The following RBPJ variants were observed in gnomAD, a reference collection of about 807,000 sequenced individuals.
RBPJ encodes the protein recombining binding protein suppressor of hairless.
A neutral mutation model predicts 67.8 loss-of-function variants in RBPJ; 9 were observed. That is an observed-to-expected ratio of 0.13 (90% CI 0.08 to 0.23). The LOEUF (loss-of-function observed/expected upper bound fraction) is 0.23, where lower values mean the gene tolerates loss of function less well. RBPJ is among the 10% of genes least tolerant of loss of function. The pLI is 1.00. For synonymous variants in RBPJ, 198 were observed against 203.3 expected, an observed-to-expected ratio of 0.97 and a Z score of 0.22; for missense variants, 305 against 595.6, an observed-to-expected ratio of 0.51 and a Z score of 5.08.
intron 1 of RBPJ, among the ~76,000 whole-genome samples, chr4:26,288,902 A>T (rs1361931206): frequency 7.3e-6 from 1 of 137,850 alleles, no homozygotes; most frequent in African/African-American, 2.7e-5. Flanking sequence ...TAAGCCCAGC[A>T]CAAAGCATAA....
intron 1 of RBPJ, among the ~76,000 whole-genome samples, chr4:26,250,196 A>C (rs542898595): frequency 2.9e-4 from 44 of 152,056 alleles, no homozygotes; most frequent in African/African-American, 1.0e-3. Flanking sequence ...TTCTGCCCCT[A>C]TGAGTTTGCC....
intron 1 of RBPJ, among the ~76,000 whole-genome samples, chr4:26,250,328 CTTTTTTTTTTT>C (rs869105820): frequency 2.5e-5 from 3 of 120,682 alleles, no homozygotes; most frequent in African/African-American, 6.3e-5. Context: ...GACTCCATTC[CTTTTTTTTTTT>C]TTTTTTTTTT....
intron 1 of RBPJ, among the ~76,000 whole-genome samples, chr4:26,186,232 G>C (rs1456887193): frequency 7.0e-5 from 10 of 143,214 alleles, no homozygotes; most frequent in Admixed American, 4.3e-4. Context: ...TGTATAAGAA[G>C]TCCTGGTTCT....
chr4:26,126,758 C>A, the RBPJ span, among the ~76,000 whole-genome samples: 1 of 152,230 alleles, frequency 6.6e-6, no homozygotes, highest in Non-Finnish European at 1.5e-5. Flanking sequence ...AAATGATCAT[C>A]TACTTAGGTG....
chr4:26,222,513 AAG>A (rs1205704219), intron 1 of RBPJ, among the ~76,000 whole-genome samples: 1 of 149,996 alleles, frequency 6.7e-6, no homozygotes, highest in African/African-American at 2.4e-5. Flanking sequence ...AAAAAAAAAA[AAG>A]ATAAATATTT....
At chr4:26,395,049 T>C (rs931678956) in intron 2 of RBPJ, among the ~76,000 whole-genome samples, 1 of 152,240 alleles carries the variant, frequency 6.6e-6, no homozygotes, top group Non-Finnish European at 1.5e-5. Flanking sequence ...TTCTCACATG[T>C]ACCTCCATTG....
the RBPJ span, among the ~76,000 whole-genome samples, chr4:26,149,061 A>G: frequency 1.3e-5 from 2 of 152,176 alleles, no homozygotes; most frequent in African/African-American, 4.8e-5. Context: ...CATTTCCCTC[A>G]CTGGCCCTGC....
At chr4:26,149,395 T>C in the RBPJ span, among the ~76,000 whole-genome samples, 1 of 152,224 alleles carries the variant, frequency 6.6e-6, no homozygotes, top group East Asian at 1.9e-4. Flanking sequence ...CAAAGGTTAC[T>C]ATCATCGATA....
At chr4:26,130,860 A>T in the RBPJ span, among the ~76,000 whole-genome samples, 4 of 152,260 alleles carry the variant, frequency 2.6e-5, no homozygotes, top group African/African-American at 9.6e-5. Flanking sequence ...CAAATAGAGT[A>T]CAAGCAACAC....
At chr4:26,212,240 G>A (rs1013029617) in intron 1 of RBPJ, among the ~76,000 whole-genome samples, 11 of 151,996 alleles carry the variant, frequency 7.2e-5, no homozygotes, top group African/African-American at 2.7e-4. Flanking sequence ...TTAACATAGG[G>A]TGGTCAGGGA....
At chr4:26,141,102 C>T in the RBPJ span, among the ~76,000 whole-genome samples, 2 of 152,186 alleles carry the variant, frequency 1.3e-5, no homozygotes, top group African/African-American at 4.8e-5. Context: ...TGGGCCTCAG[C>T]CCCTTTGTCT....
the RBPJ span, among the ~76,000 whole-genome samples, chr4:26,131,027 C>T: frequency 1.3e-5 from 2 of 152,228 alleles, no homozygotes; most frequent in African/African-American, 2.4e-5. Flanking sequence ...TCATGTACCA[C>T]GTGAGGATTG....
At chr4:26,121,867 A>G in the RBPJ span, among the ~76,000 whole-genome samples, 2 of 125,918 alleles carry the variant, frequency 1.6e-5, no homozygotes, top group African/African-American at 5.9e-5. Flanking sequence ...TGGAGTGAGT[A>G]TCTCTCTTTT....
chr4:26,108,403 C>T, the RBPJ span, among the ~76,000 whole-genome samples: 2 of 152,186 alleles, frequency 1.3e-5, no homozygotes, highest in African/African-American at 4.8e-5. Flanking sequence ...AGCCTTGGTG[C>T]ATTCCATGAT....
intron 3 of RBPJ, among the ~76,000 whole-genome samples, chr4:26,414,492 C>T (rs190450062): frequency 5.3e-4 from 81 of 152,176 alleles, no homozygotes; most frequent in African/African-American, 1.8e-3. Flanking sequence ...TTATTGTACG[C>T]GCCGTTCACC....
At chr4:26,144,267 C>CTTT in the RBPJ span, among the ~76,000 whole-genome samples, 1,148 of 105,852 alleles carry the variant, frequency 0.011, 8 homozygotes, top group Non-Finnish European at 0.013. Context: ...TAAGAAAATT[C>CTTT]TTTTTTTTTT....
At chr4:26,140,751 G>A in the RBPJ span, among the ~76,000 whole-genome samples, 1 of 150,910 alleles carries the variant, frequency 6.6e-6, no homozygotes, top group African/African-American at 2.4e-5. Flanking sequence ...TTAGGTCTGG[G>A]CCAAGGACCG....
chr4:26,356,453 GC>G lies in RBPJ; in HGVS notation c.21-29899del, dbSNP rs541208225. Among the ~76,000 whole-genome samples the G allele has an allele frequency of 2.7e-3, 409 of 152,276 alleles. 1 individual carries two copies. The highest frequency in any genetic ancestry group is 9.2e-3 in the African/African-American group (384 of 41,564). On this transcript the variant is annotated intron_variant, in intron 1 of 10. Transcript: ENST00000355476. ...CTGTTTGTAACCCATTTGAAATGTT[GC>G]ACAAATTTCGTTTCCTTCCCCAGAG... is the stretch of plus-strand genomic sequence containing the variant.
the RBPJ span, among the ~76,000 whole-genome samples, chr4:26,156,178 C>T: frequency 6.6e-6 from 1 of 152,120 alleles, no homozygotes; most frequent in Non-Finnish European, 1.5e-5. Flanking sequence ...ATACCTAGTG[C>T]ACAGTAAGTA....
Sources: allele counts gnomAD v4.1 joint callset (sites outside exome capture counted in the v4.1 genomes callset), GRCh38; gene constraint gnomAD v4.1.1; transcripts MANE v1.5; gene names NCBI Gene and HGNC (gene_info 2026-07-23, HGNC 2026-07-21).